The following TRPM3 variants were observed in gnomAD, a reference collection of about 807,000 sequenced individuals.
TRPM3 encodes long transient receptor potential channel 3.
In TRPM3, 77 loss-of-function variants were observed where a neutral mutation model predicts 181.2. The observed-to-expected ratio is 0.42, with a 90% CI of 0.35 to 0.51. The LOEUF is 0.51. Among genes scored for constraint, TRPM3 ranks in the 20% least tolerant of loss-of-function variants. The pLI, the probability that TRPM3 is intolerant of heterozygous loss-of-function variation, is 0.01. For missense variants in TRPM3, 1,759 were observed against 2,196.7 expected, an observed-to-expected ratio of 0.80 and a Z score of 3.98; for synonymous variants, 745 against 796.4, an observed-to-expected ratio of 0.94 and a Z score of 1.09.
At chr9:70,548,403 T>C (rs530927504) in intron 25 of TRPM3, among the ~76,000 whole-genome samples, 2 of 152,220 alleles carry the variant, frequency 1.3e-5, no homozygotes, top group Non-Finnish European at 1.5e-5. Context: ...CCTACTTACA[T>C]AGACTGAATT....
chr9:71,028,848 C>A (rs2056925997), intron 1 of TRPM3, among the ~76,000 whole-genome samples: 1 of 152,084 alleles, frequency 6.6e-6, no homozygotes, highest in Non-Finnish European at 1.5e-5. Flanking sequence ...CAACACCCCA[C>A]TGACAGTGTT....
At chr9:71,432,322 A>AATTT (rs2093968073) in intron 1 of TRPM3, among the ~76,000 whole-genome samples, 1 of 98,998 alleles carries the variant, frequency 1.0e-5, no homozygotes, top group African/African-American at 5.0e-5. Flanking sequence ...CAAAAGTAGG[A>AATTT]CTTTTTTTTT....
At chr9:71,318,237 G>A (rs2088840173) in intron 1 of TRPM3, among the ~76,000 whole-genome samples, 1 of 152,150 alleles carries the variant, frequency 6.6e-6, no homozygotes, top group South Asian at 2.1e-4. Flanking sequence ...TTTTAAAATA[G>A]GAGATGACAT....
chr9:71,183,947 T>C (rs1253508085), intron 1 of TRPM3, among the ~76,000 whole-genome samples: 1 of 152,026 alleles, frequency 6.6e-6, no homozygotes, highest in Non-Finnish European at 1.5e-5. Context: ...GTATAAAAAA[T>C]TCAGAAGCAA....
chr9:71,220,110 G>T (rs1040290231), intron 1 of TRPM3, among the ~76,000 whole-genome samples: 4 of 152,046 alleles, frequency 2.6e-5, no homozygotes, highest in African/African-American at 9.7e-5. Context: ...ATAATAAAAT[G>T]TTCCCTTAAA....
chr9:70,761,535 G>C (rs983637061), intron 8 of TRPM3, 66 bp downstream of exon 8: 1 of 1,609,008 alleles, frequency 6.2e-7, no homozygotes, highest in Non-Finnish European at 8.5e-7. Context: ...TTGAGAAAAT[G>C]TTGTGTGATT....
At chr9:71,203,950 A>G (rs1405630651) in intron 1 of TRPM3, among the ~76,000 whole-genome samples, 2 of 152,208 alleles carry the variant, frequency 1.3e-5, no homozygotes, top group African/African-American at 4.8e-5. Context: ...TGACAAAAAG[A>G]AGAAATGGGG....
chr9:70,629,215 C>CGGGGAG (rs1491529368), intron 12 of TRPM3, among the ~76,000 whole-genome samples: 1 of 10,162 alleles, frequency 9.8e-5, no homozygotes, highest in African/African-American at 2.1e-4. Context: ...TGACCAGTGC[C>CGGGGAG]GGGGGGGGGG....
At chr9:70,584,385 G>T (rs1255190961) in intron 22 of TRPM3, among the ~76,000 whole-genome samples, 1 of 151,970 alleles carries the variant, frequency 6.6e-6, no homozygotes, top group Admixed American at 6.6e-5. Flanking sequence ...TTTCACTCTT[G>T]TGCAAAAAAC....
intron 1 of TRPM3, among the ~76,000 whole-genome samples, chr9:70,980,325 G>A (rs1472966351): frequency 6.6e-6 from 1 of 152,016 alleles, no homozygotes; most frequent in East Asian, 1.9e-4. Flanking sequence ...AGATAGGATG[G>A]GAGGAGCAGA....
In TRPM3 at chr9:71,121,226, G is replaced by A. The variant is rs1299375898; in HGVS notation, c.129C>T (p.Ile43=). 1 of 1,614,104 alleles carries A rather than the reference G, an allele frequency of 6.2e-7. No homozygotes were observed. The highest frequency in any genetic ancestry group is 1.1e-5 in the South Asian group (1 of 91,076). ...GAAAGGCTGCGTGGCACAGCTTCCG[G>A]ATGGTCCAGTTTAGGGGTCGAGGAG... ...ADAPRPLNWT[I]RKLCHAAFLP... The change falls in exon 1 of 26, where the codon ATC becomes ATT. Residue 43 remains isoleucine (I), a synonymous_variant. Coordinates refer to ENST00000677713, the MANE Select transcript of TRPM3 (RefSeq NM_001366145.2).
intron 1 of TRPM3, among the ~76,000 whole-genome samples, chr9:71,054,635 C>T (rs965448398): frequency 6.6e-6 from 1 of 152,092 alleles, no homozygotes; most frequent in South Asian, 2.1e-4. Flanking sequence ...GCTAAAACCA[C>T]GCCATATCTT....
At position 71,343,560 on chromosome 9, in the gene TRPM3, G is replaced by A. The variant is rs116526984; in HGVS notation, c.183+103093C>T. ...CAAATATGGAATGAAAGAAAGCACA[G>A]AAGAATCCTGTGAGATTGGCTTGAA... On this transcript the variant is annotated intron_variant, in intron 1 of 24. Coordinates refer to the TRPM3 transcript ENST00000357533. Among the ~76,000 whole-genome samples, 849 of 152,262 alleles carry A rather than the reference G, an allele frequency of 5.6e-3. 11 individuals carry two copies. Among genetic ancestry groups the A allele is most frequent in the African/African-American group, 0.02 (819 of 41,562 alleles).
chr9:71,032,175 A>ATACTATATATTATATAATATATTATATT (rs2057594830), intron 1 of TRPM3, among the ~76,000 whole-genome samples: 1 of 104,518 alleles, frequency 9.6e-6, no homozygotes, highest in Admixed American at 1.4e-4. Context: ...TATATTATAT[A>ATACTATATATTATATAATATATTATATT]TACTATATAT....
chr9:70,684,226 T>A (rs929772527), intron 8 of TRPM3, among the ~76,000 whole-genome samples: 2 of 152,182 alleles, frequency 1.3e-5, no homozygotes. Flanking sequence ...GAAAGGAAGA[T>A]GGGTAAATGC....
At chr9:70,981,191 G>A (rs556111665) in intron 1 of TRPM3, among the ~76,000 whole-genome samples, 166 of 152,296 alleles carry the variant, frequency 1.1e-3, no homozygotes, top group African/African-American at 1.6e-3. Flanking sequence ...GAGCTTCAGA[G>A]GTCTTGATTT....
In TRPM3 at chr9:71,147,092, A is replaced by G. The variant is rs549098709; in HGVS notation, c.184-282581T>C. Reference sequence around the variant, plus strand: ...GGATCTAACTTGTCCAAAAGCAGTAACACCAACGTGGTTGTCCCAGCCTAG... The same window carrying G: ...GGATCTAACTTGTCCAAAAGCAGTAGCACCAACGTGGTTGTCCCAGCCTAG... On this transcript the variant is annotated intron_variant, in intron 1 of 24. Transcript: ENST00000357533. 3.9e-5 allele frequency among the ~76,000 whole-genome samples: 6 copies of G among 152,280 alleles called. No individual in the cohort carries two copies. In the South Asian group the frequency reaches 1.2e-3, roughly 32 times the overall value.
At chr9:70,679,882 A>G (rs920484314) in intron 9 of TRPM3, among the ~76,000 whole-genome samples, 2 of 152,122 alleles carry the variant, frequency 1.3e-5, no homozygotes, top group African/African-American at 4.8e-5. Flanking sequence ...TTTGTCTCTG[A>G]TAAGGGGAGA....
chr9:70,857,451 C>T (rs1375964538), intron 3 of TRPM3, among the ~76,000 whole-genome samples: 1 of 152,144 alleles, frequency 6.6e-6, no homozygotes, highest in Non-Finnish European at 1.5e-5. Flanking sequence ...AAGACCCCTT[C>T]CTGCTCACAG....
Sources: allele counts gnomAD v4.1 joint callset (sites outside exome capture counted in the v4.1 genomes callset), GRCh38; gene constraint gnomAD v4.1.1; transcripts MANE v1.5; gene names NCBI Gene and HGNC (gene_info 2026-07-23, HGNC 2026-07-21).